ASIC2: variants seen among roughly 807,000 people sequenced by gnomAD.
ASIC2 encodes the protein acid-sensing ion channel 2.
In ASIC2, 25 loss-of-function variants were observed where a neutral mutation model predicts 57.3. The observed-to-expected ratio is 0.44, with a 90% CI of 0.32 to 0.61. The LOEUF (loss-of-function observed/expected upper bound fraction) is 0.61, where lower values mean the gene tolerates loss of function less well. Among genes scored for constraint, ASIC2 ranks in the 20% least tolerant of loss-of-function variants. The probability of loss-of-function intolerance (pLI) is 0.06; values close to 1 mark genes in which losing one functional copy is unlikely to be tolerated. For missense variants in ASIC2, 641 were observed against 738.1 expected (o/e 0.87, Z 1.52); for synonymous variants, 319 against 307.5 (o/e 1.04, Z -0.39).
At chr17:33,184,976 T>G (rs757971698) in intron 1 of ASIC2, among the ~76,000 whole-genome samples, 53 of 152,208 alleles carry the variant, frequency 3.5e-4, no homozygotes, top group Non-Finnish European at 6.6e-4. Context: ...TAATCAACCC[T>G]ATCACTCCTT....
At chr17:34,151,839 C>A (rs560246035) in intron 1 of ASIC2, among the ~76,000 whole-genome samples, 41 of 152,236 alleles carry the variant, frequency 2.7e-4, no homozygotes, top group African/African-American at 9.9e-4. Flanking sequence ...TATTTTATGG[C>A]ACTGAGTCAG....
At chr17:34,049,676 G>T (rs1020456539) in intron 1 of ASIC2, among the ~76,000 whole-genome samples, 1 of 152,108 alleles carries the variant, frequency 6.6e-6, no homozygotes, top group African/African-American at 2.4e-5. Flanking sequence ...TTTCACATCT[G>T]CATGATATAA....
chr17:33,058,258 C>A (rs1472204521), intron 3 of ASIC2, among the ~76,000 whole-genome samples: 1 of 152,036 alleles, frequency 6.6e-6, no homozygotes, highest in Non-Finnish European at 1.5e-5. Flanking sequence ...CACAGCTGTT[C>A]AATGACAGAC....
In ASIC2 at chr17:33,556,629, T is replaced by TTAC. The variant is rs537428158; in HGVS notation, c.556-444563_556-444562insGTA. ...GCTAATCTAAAGGTTTGTGGCTGCATCAGACACCCAAGTTTGGTAATGAGT... is the reference window on the plus strand; with the variant it reads ...GCTAATCTAAAGGTTTGTGGCTGCATTACCAGACACCCAAGTTTGGTAATGAGT... On this transcript the variant is annotated intron_variant, in intron 1 of 9. Coordinates refer to the ASIC2 transcript ENST00000359872. Among the ~76,000 whole-genome samples, 190 of 152,352 alleles carry TTAC rather than the reference T, an allele frequency of 1.2e-3. 1 individual carries two copies. Among genetic ancestry groups the TTAC allele is most frequent in the African/African-American group, 4.4e-3 (182 of 41,588 alleles).
At chr17:34,070,768 T>C (rs1331775542) in intron 1 of ASIC2, 1 of 152,256 alleles carries the variant, frequency 6.6e-6, no homozygotes, top group Non-Finnish European at 1.5e-5. Context: ...AGAGAGTCTG[T>C]GCCATGTCTC....
intron 1 of ASIC2, among the ~76,000 whole-genome samples, chr17:33,914,408 C>G (rs1915538478): frequency 6.6e-6 from 1 of 152,124 alleles, no homozygotes; most frequent in South Asian, 2.1e-4. Context: ...GTCTGTGGTT[C>G]CCTTCAATTC....
intron 1 of ASIC2, among the ~76,000 whole-genome samples, chr17:33,376,497 T>C (rs1258853525): frequency 6.6e-6 from 1 of 152,222 alleles, no homozygotes; most frequent in Non-Finnish European, 1.5e-5. Context: ...AATCTTATCT[T>C]AAACTTATTG....
At chr17:33,446,094 C>T (rs555397203) in intron 1 of ASIC2, among the ~76,000 whole-genome samples, 2 of 151,958 alleles carry the variant, frequency 1.3e-5, no homozygotes, top group Admixed American at 1.3e-4. Context: ...GTCTACCACA[C>T]CGCTGAAAGA....
chr17:33,938,655 T>A (rs1334838719), intron 1 of ASIC2, among the ~76,000 whole-genome samples: 1 of 151,130 alleles, frequency 6.6e-6, no homozygotes, highest in Non-Finnish European at 1.5e-5. Flanking sequence ...TAGCATAGGG[T>A]GGAAGTGGGA....
At chr17:33,348,384 CA>C (rs1381725299) in intron 1 of ASIC2, among the ~76,000 whole-genome samples, 1 of 151,986 alleles carries the variant, frequency 6.6e-6, no homozygotes, top group Non-Finnish European at 1.5e-5. Context: ...CAAATGGGAG[CA>C]AGAAGCAGAA....
chr17:33,481,628 C>A (rs1913408323), intron 1 of ASIC2, among the ~76,000 whole-genome samples: 1 of 151,788 alleles, frequency 6.6e-6, no homozygotes, highest in South Asian at 2.1e-4. Flanking sequence ...TTTCTCCCTT[C>A]CTTCAACCTC....
chr17:33,835,777 T>C (rs984382685), intron 1 of ASIC2, among the ~76,000 whole-genome samples: 5 of 152,082 alleles, frequency 3.3e-5, no homozygotes, highest in African/African-American at 1.2e-4. Context: ...AGGTCCTGTA[T>C]AAAATATACA....
chr17:33,269,054 G>A (rs1254823326), intron 1 of ASIC2, among the ~76,000 whole-genome samples: 4 of 152,308 alleles, frequency 2.6e-5, no homozygotes, highest in South Asian at 2.1e-4. Context: ...CAGGTGTGAC[G>A]TTGATATGTC....
chr17:33,522,459 A>G (rs1025698629), intron 1 of ASIC2, among the ~76,000 whole-genome samples: 1 of 152,154 alleles, frequency 6.6e-6, no homozygotes, highest in African/African-American at 2.4e-5. Context: ...GCTTGGCAGT[A>G]GTTCTGACCA....
intron 1 of ASIC2, among the ~76,000 whole-genome samples, chr17:33,855,543 T>C (rs976453150): frequency 2.0e-5 from 3 of 152,226 alleles, no homozygotes; most frequent in Non-Finnish European, 4.4e-5. Context: ...AGTCCCTAGA[T>C]GCATTATTCA....
At chr17:33,538,047 G>A (rs1336217587) in intron 1 of ASIC2, among the ~76,000 whole-genome samples, 1 of 152,194 alleles carries the variant, frequency 6.6e-6, no homozygotes, top group Non-Finnish European at 1.5e-5. Context: ...GCTGGTGGGA[G>A]CACTAAAGGA....
chr17:33,430,929 T>C (rs1911394069), intron 1 of ASIC2, among the ~76,000 whole-genome samples: 1 of 152,086 alleles, frequency 6.6e-6, no homozygotes, highest in Non-Finnish European at 1.5e-5. Flanking sequence ...CACTGGGTAA[T>C]GAGGTATCCC....
intron 1 of ASIC2, among the ~76,000 whole-genome samples, chr17:33,533,001 A>C (rs1353783267): frequency 6.6e-6 from 1 of 152,200 alleles, no homozygotes; most frequent in African/African-American, 2.4e-5. Flanking sequence ...ACTGGCTCAG[A>C]GATATTATGC....
At chr17:33,069,486 T>A (rs2092058430) in intron 3 of ASIC2, among the ~76,000 whole-genome samples, 1 of 152,198 alleles carries the variant, frequency 6.6e-6, no homozygotes. Flanking sequence ...TGCAGTTCTA[T>A]CAGTTTTTGC....
Sources: allele counts gnomAD v4.1 joint callset (sites outside exome capture counted in the v4.1 genomes callset), GRCh38; gene constraint gnomAD v4.1.1; transcripts MANE v1.5; gene names NCBI Gene and HGNC (gene_info 2026-07-23, HGNC 2026-07-21).